The following CNTNAP2 variants were observed in gnomAD, a reference collection of about 807,000 sequenced individuals.
The protein encoded by CNTNAP2 is contactin-associated protein-like 2.
A neutral mutation model predicts 155.2 loss-of-function variants in CNTNAP2; 98 were observed. The ratio of observed to expected loss-of-function variants is 0.63; its 90% CI spans 0.54 to 0.75. The LOEUF (loss-of-function observed/expected upper bound fraction) is 0.75, where lower values mean the gene tolerates loss of function less well. CNTNAP2 is among the 30% of genes least tolerant of loss of function. The pLI is 0.00. For missense variants in CNTNAP2, 1,727 were observed against 1,688.1 expected (o/e 1.02, Z -0.40); for synonymous variants, 651 against 631.2 (o/e 1.03, Z -0.47).
chr7:146,805,385 G>A (rs371838062), intron 2 of CNTNAP2, among the ~76,000 whole-genome samples: 1 of 152,160 alleles, frequency 6.6e-6, no homozygotes, highest in South Asian at 2.1e-4. Context: ...CTCATCACTT[G>A]GGATTGGTGG....
At chr7:147,566,571 G>T (rs1054845323) in intron 12 of CNTNAP2, among the ~76,000 whole-genome samples, 7 of 152,142 alleles carry the variant, frequency 4.6e-5, no homozygotes, top group Non-Finnish European at 5.9e-5. Context: ...GGAAGCAGAT[G>T]CCTTCTTCAC....
intron 13 of CNTNAP2, among the ~76,000 whole-genome samples, chr7:147,869,623 G>C (rs1799294183): frequency 1.3e-5 from 2 of 152,154 alleles, no homozygotes; most frequent in Non-Finnish European, 2.9e-5. Context: ...AACTAAGGAA[G>C]GGAAGTGAAA....
rs75489634 is a variant in CNTNAP2 at position 146,345,127 on chromosome 7, G to A, written c.97+228154G>A. Reference sequence around the variant, plus strand: ...GGCATACATTCTTTCTAAGTGGCTTGGTGGTTGTACTTGATTATTATGGAC... The same window carrying A: ...GGCATACATTCTTTCTAAGTGGCTTAGTGGTTGTACTTGATTATTATGGAC... On this transcript the variant is annotated intron_variant, in intron 1 of 23. Coordinates refer to ENST00000361727, the MANE Select transcript of CNTNAP2 (RefSeq NM_014141.6). 4.8e-3 allele frequency among the ~76,000 whole-genome samples: 725 copies of A among 152,228 alleles called. 2 individuals carry two copies. The highest frequency in any genetic ancestry group is 7.9e-3 in the Non-Finnish European group (535 of 68,012).
chr7:147,328,111 G>A lies in CNTNAP2; in HGVS notation c.1498+27821G>A, dbSNP rs983180198. On this transcript the variant is annotated intron_variant, in intron 9 of 23. Coordinates refer to ENST00000361727, the MANE Select transcript of CNTNAP2 (RefSeq NM_014141.6). Reference sequence around the variant, plus strand: ...AACGAGCAAGTGTCAGGTTGGCCGCGAATGACAGGAAAGAAGCAAGGTGGG... The same window carrying A: ...AACGAGCAAGTGTCAGGTTGGCCGCAAATGACAGGAAAGAAGCAAGGTGGG... 2.0e-4 allele frequency among the ~76,000 whole-genome samples: 31 copies of A among 152,100 alleles called. 1 individual carries two copies. The highest frequency in any genetic ancestry group is 7.0e-4 in the African/African-American group (29 of 41,416).
chr7:147,839,215 G>T (rs1468129135), intron 13 of CNTNAP2, among the ~76,000 whole-genome samples: 1 of 152,108 alleles, frequency 6.6e-6, no homozygotes, highest in Non-Finnish European at 1.5e-5. Flanking sequence ...GGGTGGATCT[G>T]CCTTCCCCAG....
chr7:146,620,623 A>G (rs537389441), intron 1 of CNTNAP2, among the ~76,000 whole-genome samples: 1 of 152,238 alleles, frequency 6.6e-6, no homozygotes, highest in East Asian at 1.9e-4. Flanking sequence ...TTAAGTCCTT[A>G]AAGTTGGATC....
At chr7:147,624,083 TG>T (rs1188833937) in intron 12 of CNTNAP2, among the ~76,000 whole-genome samples, 4 of 152,134 alleles carry the variant, frequency 2.6e-5, no homozygotes, top group African/African-American at 9.7e-5. Flanking sequence ...ACTAGACTTC[TG>T]TCTCTCAACA....
intron 1 of CNTNAP2, among the ~76,000 whole-genome samples, chr7:146,622,267 CTATCTATCTATCTATA>C (rs1368207768): frequency 5.7e-5 from 6 of 105,694 alleles, no homozygotes; most frequent in African/African-American, 2.3e-4. Context: ...ATCTATCTAT[CTATCTATCTATCTATA>C]TATATATATG....
At chr7:147,665,660 C>T (rs1387260239) in intron 13 of CNTNAP2, among the ~76,000 whole-genome samples, 1 of 151,848 alleles carries the variant, frequency 6.6e-6, no homozygotes, top group Non-Finnish European at 1.5e-5. Context: ...GTGTGTGTTT[C>T]CCTCTGTCTG....
intron 12 of CNTNAP2, among the ~76,000 whole-genome samples, chr7:147,583,110 G>T (rs1211944037): frequency 1.3e-5 from 2 of 151,974 alleles, no homozygotes; most frequent in African/African-American, 4.8e-5. Context: ...CTAAGCGAAT[G>T]ACCCATTAAA....
intron 15 of CNTNAP2, among the ~76,000 whole-genome samples, chr7:148,107,314 G>T (rs1804243848): frequency 1.3e-5 from 2 of 152,140 alleles, no homozygotes; most frequent in Admixed American, 1.3e-4. Context: ...CTTTTTCTCT[G>T]TGGGACCCCA....
intron 8 of CNTNAP2, among the ~76,000 whole-genome samples, chr7:147,201,485 G>A (rs1230566667): frequency 2.0e-5 from 3 of 151,878 alleles, no homozygotes; most frequent in African/African-American, 7.3e-5. Flanking sequence ...ATATTCTTTA[G>A]AAATATTATA....
chr7:146,845,147 A>G (rs1013982532), intron 3 of CNTNAP2, among the ~76,000 whole-genome samples: 4 of 152,220 alleles, frequency 2.6e-5, no homozygotes. Context: ...AATAGTTGGC[A>G]GTTTCATTTA....
At chr7:147,026,434 T>A (rs1798920575) in intron 3 of CNTNAP2, among the ~76,000 whole-genome samples, 1 of 152,188 alleles carries the variant, frequency 6.6e-6, no homozygotes, top group African/African-American at 2.4e-5. Context: ...GAATGACATA[T>A]GCTTTTTCCA....
rs151203501 is a variant in CNTNAP2 at position 146,558,972 on chromosome 7, G to A, written c.98-215299G>A. On this transcript the variant is annotated intron_variant, in intron 1 of 23. Transcript: ENST00000361727. The stretch of plus-strand genomic sequence containing the variant: ...TGACAATTTCTGCAGTATGTTTATT[G>A]TACGAGTTTTTCAAAGATTTGCCAA... Among the ~76,000 whole-genome samples, 3 of 152,238 alleles carry A rather than the reference G, an allele frequency of 2.0e-5. No homozygotes were observed. In the East Asian group the frequency reaches 5.8e-4, roughly 29 times the overall value.
At chr7:147,032,998 C>A (rs1799065165) in intron 3 of CNTNAP2, among the ~76,000 whole-genome samples, 1 of 151,586 alleles carries the variant, frequency 6.6e-6, no homozygotes, top group Admixed American at 6.6e-5. Context: ...TATTAATTTT[C>A]AAAGTCAAAT....
At chr7:147,191,646 A>G (rs1014917545) in intron 8 of CNTNAP2, among the ~76,000 whole-genome samples, 1 of 152,152 alleles carries the variant, frequency 6.6e-6, no homozygotes, top group Non-Finnish European at 1.5e-5. Flanking sequence ...GACAGTGAAA[A>G]ACACTATTTC....
At chr7:147,970,716 A>G (rs1265326940) in intron 14 of CNTNAP2, among the ~76,000 whole-genome samples, 1 of 152,222 alleles carries the variant, frequency 6.6e-6, no homozygotes, top group East Asian at 1.9e-4. Context: ...AGAATATTAC[A>G]ATGATGAATG....
At chr7:146,925,953 T>G (rs1196856348) in intron 3 of CNTNAP2, among the ~76,000 whole-genome samples, 1 of 152,132 alleles carries the variant, frequency 6.6e-6, no homozygotes, top group Non-Finnish European at 1.5e-5. Flanking sequence ...TTCATTCTTT[T>G]GTGCAGAAGC....
Sources: gnomAD v4.1 joint callset for allele counts (sites outside exome capture counted in the v4.1 genomes callset) on GRCh38, gnomAD v4.1.1 for gene constraint, MANE v1.5 for transcripts, NCBI Gene and HGNC (gene_info 2026-07-23, HGNC 2026-07-21) for gene names.